Variants in LHFPL2 observed in about 807,000 individuals in gnomAD.
LHFPL2 encodes the protein LHFPL tetraspan subfamily member 2.
LHFPL2 carries 7 observed loss-of-function variants against 17.5 expected under a neutral mutation model. The ratio of observed to expected loss-of-function variants is 0.40; its 90% confidence interval spans 0.23 to 0.75. The LOEUF is 0.75. LHFPL2 is among the 30% of genes least tolerant of loss of function. The pLI is 0.37. For synonymous variants in LHFPL2, 134 were observed against 116.2 expected (o/e 1.15, Z -0.99); for missense variants, 241 against 294.8 (o/e 0.82, Z 1.34).
chr5:78,626,954 G>A (rs1017646122), intron 2 of LHFPL2, among the ~76,000 whole-genome samples: 3 of 151,950 alleles, frequency 2.0e-5, no homozygotes, highest in African/African-American at 7.3e-5. Flanking sequence ...GGTGGTACGC[G>A]CCTGTAATCC....
At chr5:78,589,615 C>T (rs879595180) in intron 2 of LHFPL2, among the ~76,000 whole-genome samples, 10 of 152,190 alleles carry the variant, frequency 6.6e-5, no homozygotes, top group Non-Finnish European at 1.3e-4. Context: ...TGTCCCTCCT[C>T]AACCTGCACC....
chr5:78,591,016 T>C (rs543669343), intron 2 of LHFPL2, among the ~76,000 whole-genome samples: 38 of 146,162 alleles, frequency 2.6e-4, no homozygotes, highest in Admixed American at 4.9e-4. Context: ...AATATTTCTA[T>C]TTTTTTGCCA....
chr5:78,594,699 A>G (rs1375638664), intron 2 of LHFPL2, among the ~76,000 whole-genome samples: 2 of 152,214 alleles, frequency 1.3e-5, no homozygotes, highest in Admixed American at 6.5e-5. Flanking sequence ...CAAGAAAGAG[A>G]AAAGGGACAA....
In LHFPL2 at chr5:78,488,741, A is replaced by G. The variant is rs1005068861; in HGVS notation, c.*156T>C. The G allele has an allele frequency of 1.1e-5, 8 of 738,240 alleles. No homozygotes were observed. Among genetic ancestry groups the G allele is most frequent in the Non-Finnish European group, 1.8e-5 (8 of 440,804 alleles). The allele number at this position is 738,240 out of a possible 1,614,324, so 45.7% of individuals were successfully genotyped here. A position where few individuals can be genotyped will look rare whatever the true frequency, so the allele number is the denominator to read the frequency against. Reference sequence around the variant, plus strand: ...GACCGCATGTCCAGTAACTTTGCGTAGCTGGATGTGGCCTCTCATTGGTCC... The same window carrying G: ...GACCGCATGTCCAGTAACTTTGCGTGGCTGGATGTGGCCTCTCATTGGTCC... On this transcript the variant is annotated 3_prime_UTR_variant, in exon 5 of 5. Coordinates refer to ENST00000380345, the MANE Select transcript of LHFPL2 (RefSeq NM_005779.3).
chr5:78,580,374 C>T (rs1295480657), intron 2 of LHFPL2, among the ~76,000 whole-genome samples: 1 of 152,056 alleles, frequency 6.6e-6, no homozygotes, highest in Non-Finnish European at 1.5e-5. Context: ...TCAATTCTGG[C>T]TTTTGTTGCC....
chr5:78,538,157 C>T (rs577993012), intron 3 of LHFPL2, among the ~76,000 whole-genome samples: 40 of 152,188 alleles, frequency 2.6e-4, no homozygotes, highest in African/African-American at 8.9e-4. Context: ...CACAGGCACA[C>T]GAAAGCTTAT....
At position 78,488,887 on chromosome 5, in the gene LHFPL2, C is replaced by T; in HGVS notation, c.*10G>A. 1 of 1,613,192 alleles carries T rather than the reference C, an allele frequency of 6.2e-7. No individual in the cohort carries two copies. Among genetic ancestry groups the T allele is most frequent in the Non-Finnish European group, 8.5e-7 (1 of 1,179,518 alleles). ...TACTCAAGGGAGAAAATGGCATTGTCTCTTCCAAACTAAAGGAGGCAGATC... is the reference window on the plus strand; with the variant it reads ...TACTCAAGGGAGAAAATGGCATTGTTTCTTCCAAACTAAAGGAGGCAGATC... On this transcript the variant is annotated 3_prime_UTR_variant, in exon 5 of 5. Transcript: ENST00000380345.
rs114301587 is a variant in LHFPL2, at chr5:78,542,613, C to T, written c.-186+22200G>A. Among the ~76,000 whole-genome samples, 1,251 of 152,242 alleles carry T rather than the reference C, an allele frequency of 8.2e-3. 12 individuals are homozygous for T. The highest frequency in any genetic ancestry group is 0.012 in the Non-Finnish European group (783 of 68,006). On this transcript the variant is annotated intron_variant, in intron 3 of 4. Transcript: ENST00000380345. ...CCCTCATCTCCACATGCACACCTCTCGCCTGCCCTTCAAGAGACAGCTCAA... is the reference window on the plus strand; with the variant it reads ...CCCTCATCTCCACATGCACACCTCTTGCCTGCCCTTCAAGAGACAGCTCAA...
At chr5:78,533,716 G>T (rs1947890290) in intron 3 of LHFPL2, among the ~76,000 whole-genome samples, 1 of 152,166 alleles carries the variant, frequency 6.6e-6, no homozygotes, top group South Asian at 2.1e-4. Flanking sequence ...TGCAGGATCA[G>T]CTCTGAAAAG....
intron 2 of LHFPL2, among the ~76,000 whole-genome samples, chr5:78,581,782 T>A (rs1029335566): frequency 6.6e-6 from 1 of 152,264 alleles, no homozygotes; most frequent in Non-Finnish European, 1.5e-5. Context: ...CCGGCTTTGG[T>A]ATCAGGATGA....
chr5:78,583,901 C>A (rs1197374963), intron 2 of LHFPL2, among the ~76,000 whole-genome samples: 1 of 151,316 alleles, frequency 6.6e-6, no homozygotes, highest in African/African-American at 2.4e-5. Flanking sequence ...TCCATTCTCC[C>A]CATCACTTTC....
intron 4 of LHFPL2, among the ~76,000 whole-genome samples, chr5:78,503,523 C>T (rs978931195): frequency 2.6e-5 from 4 of 152,146 alleles, no homozygotes; most frequent in African/African-American, 9.7e-5. Context: ...GTGGTGAAAC[C>T]CCGTCTCTAC....
At chr5:78,576,227 G>A (rs1326610130) in intron 2 of LHFPL2, among the ~76,000 whole-genome samples, 4 of 151,954 alleles carry the variant, frequency 2.6e-5, no homozygotes, top group African/African-American at 7.3e-5. Flanking sequence ...CCCGGGAGGC[G>A]GAGCTTGCAG....
chr5:78,489,650 G>T (rs1050723374), intron 4 of LHFPL2, among the ~76,000 whole-genome samples: 1 of 152,110 alleles, frequency 6.6e-6, no homozygotes, highest in African/African-American at 2.4e-5. Context: ...CTCCCACCTC[G>T]GCCTCCACCA....
intron 1 of LHFPL2, chr5:78,641,906 T>TATACACACACACACAC (rs1368345111): frequency 2.8e-5 from 3 of 107,690 alleles, no homozygotes; most frequent in African/African-American, 1.4e-4. Context: ...ATGTACAGTA[T>TATACACACACACACAC]ACACACACAC....
chr5:78,515,355 C>T (rs1328889781), intron 3 of LHFPL2, among the ~76,000 whole-genome samples: 1 of 152,104 alleles, frequency 6.6e-6, no homozygotes, highest in Admixed American at 6.5e-5. Context: ...CTGGATTTGT[C>T]GATTTCCTCA....
At chr5:78,593,072 G>A (rs760445925) in intron 2 of LHFPL2, among the ~76,000 whole-genome samples, 11 of 152,070 alleles carry the variant, frequency 7.2e-5, no homozygotes, top group Non-Finnish European at 1.3e-4. Context: ...GGCAACTCGC[G>A]CATAATCTCT....
At chr5:78,570,397 A>G (rs994055522) in intron 2 of LHFPL2, among the ~76,000 whole-genome samples, 4 of 152,110 alleles carry the variant, frequency 2.6e-5, no homozygotes, top group African/African-American at 9.7e-5. Flanking sequence ...AGCACAGAGT[A>G]GCAGTGATGC....
chr5:78,604,168 C>T (rs1744127967), intron 2 of LHFPL2, among the ~76,000 whole-genome samples: 1 of 152,068 alleles, frequency 6.6e-6, no homozygotes, highest in African/African-American at 2.4e-5. Context: ...AATGGTCCCA[C>T]ATAGATATAA....
Sources: allele counts gnomAD v4.1 joint callset (sites outside exome capture counted in the v4.1 genomes callset), GRCh38; gene constraint gnomAD v4.1.1; transcripts MANE v1.5; gene names NCBI Gene and HGNC (gene_info 2026-07-23, HGNC 2026-07-21).